RHOJ: variants seen among roughly 807,000 people sequenced by gnomAD.
RHOJ encodes ras homolog family member J.
RHOJ carries 11 observed loss-of-function variants against 23.4 expected under a neutral mutation model. That is an observed-to-expected ratio of 0.47 (90% confidence interval 0.30 to 0.78). The LOEUF (loss-of-function observed/expected upper bound fraction) is 0.78, where lower values mean the gene tolerates loss of function less well. Ranked by LOEUF, RHOJ falls within the 30% of genes least tolerant of loss-of-function variation. The pLI, the probability that RHOJ is intolerant of heterozygous loss-of-function variation, is 0.08. For synonymous variants in RHOJ, 102 were observed against 102.7 expected, an observed-to-expected ratio of 0.99 and a Z score of 0.04; for missense variants, 254 against 273.4, an observed-to-expected ratio of 0.93 and a Z score of 0.50.
chr14:63,260,974 G>A (rs1458411832), intron 1 of RHOJ, among the ~76,000 whole-genome samples: 4 of 152,100 alleles, frequency 2.6e-5, no homozygotes, highest in Non-Finnish European at 5.9e-5. Context: ...CGAGTCAAAT[G>A]TGAAAAAGAT....
chr14:63,233,247 A>G (rs1458348072), intron 1 of RHOJ, among the ~76,000 whole-genome samples: 1 of 152,204 alleles, frequency 6.6e-6, no homozygotes, highest in Admixed American at 6.5e-5. Context: ...CCTGACAGAC[A>G]AAAAGTATAT....
chr14:63,267,275 G>A (rs971513765), intron 1 of RHOJ, among the ~76,000 whole-genome samples: 10 of 152,228 alleles, frequency 6.6e-5, no homozygotes, highest in African/African-American at 2.4e-4. Context: ...AAAACAGACT[G>A]GAGAGAATGA....
chr14:63,223,976 A>G (rs1894545477), intron 1 of RHOJ, among the ~76,000 whole-genome samples: 1 of 152,214 alleles, frequency 6.6e-6, no homozygotes, highest in African/African-American at 2.4e-5. Context: ...CATTGAAACC[A>G]GGTATTTAGG....
chr14:63,205,069 T>C (rs1300356491), intron 1 of RHOJ, 22 bp downstream of exon 1: 1 of 1,604,646 alleles, frequency 6.2e-7, no homozygotes, highest in East Asian at 2.2e-5. Context: ...TGGGAAACTC[T>C]CTGCATCCAG....
At chr14:63,234,566 A>G (rs1894753742) in intron 1 of RHOJ, among the ~76,000 whole-genome samples, 1 of 152,248 alleles carries the variant, frequency 6.6e-6, no homozygotes, top group East Asian at 1.9e-4. Flanking sequence ...TAGTAATAGT[A>G]ATGCCATTTT....
intron 1 of RHOJ, among the ~76,000 whole-genome samples, chr14:63,260,393 T>A (rs1895251437): frequency 6.6e-6 from 1 of 152,112 alleles, no homozygotes; most frequent in African/African-American, 2.4e-5. Flanking sequence ...CTAAAATAAA[T>A]CTGGATAAGC....
chr14:63,283,581 T>G (rs1390352122), intron 4 of RHOJ, among the ~76,000 whole-genome samples: 1 of 152,240 alleles, frequency 6.6e-6, no homozygotes, highest in African/African-American at 2.4e-5. Context: ...GTAGCTCATT[T>G]AAATAACCCC....
intron 1 of RHOJ, among the ~76,000 whole-genome samples, chr14:63,230,298 T>C (rs551692917): frequency 6.6e-6 from 1 of 151,988 alleles, no homozygotes; most frequent in African/African-American, 2.4e-5. Flanking sequence ...AAAACAGAAA[T>C]GTTGTCCCTC....
chr14:63,282,489 A>G (rs1444561358), intron 3 of RHOJ, among the ~76,000 whole-genome samples: 1 of 152,184 alleles, frequency 6.6e-6, no homozygotes, highest in Non-Finnish European at 1.5e-5. Context: ...AAATTATCAA[A>G]TCTAATCCAG....
intron 1 of RHOJ, among the ~76,000 whole-genome samples, chr14:63,246,771 G>A (rs1894982768): frequency 6.6e-6 from 1 of 152,074 alleles, no homozygotes; most frequent in Non-Finnish European, 1.5e-5. Context: ...TAAGAAGTCA[G>A]CTTTACTGTG....
chr14:63,256,401 A>T (rs774210767), intron 1 of RHOJ, among the ~76,000 whole-genome samples: 2 of 152,154 alleles, frequency 1.3e-5, no homozygotes, highest in African/African-American at 2.4e-5. Flanking sequence ...ATCAGAGTGC[A>T]CAGTCCCACT....
chr14:63,270,186 T>TTC (rs1895443049), intron 2 of RHOJ, among the ~76,000 whole-genome samples: 2 of 149,842 alleles, frequency 1.3e-5, no homozygotes, highest in East Asian at 3.9e-4. Flanking sequence ...TTTTTTTTTT[T>TTC]CACAATTGTT....
intron 1 of RHOJ, among the ~76,000 whole-genome samples, chr14:63,251,515 A>G (rs1895071216): frequency 6.6e-6 from 1 of 152,232 alleles, no homozygotes; most frequent in South Asian, 2.1e-4. Flanking sequence ...CCTAAGCTTC[A>G]ACAAGCTCTC....
Position 63,292,014 on chromosome 14 carries a change from A to C in RHOJ, c.*990A>C. 1 of 152,080 alleles carries C rather than the reference A, an allele frequency of 6.6e-6. No homozygotes were observed. Among genetic ancestry groups the C allele is most frequent in the Admixed American group, 6.6e-5 (1 of 15,266 alleles). The allele number at this position is 152,080 out of a possible 1,614,324, so 9.4% of individuals were successfully genotyped here. ...CTTTCTCTCATGCCCGGATCCTTTT[A>C]TTCTCCCCAGTTATAACCCAGTTAT... On this transcript the variant is annotated 3_prime_UTR_variant, in exon 5 of 5. Coordinates refer to ENST00000316754, the MANE Select transcript of RHOJ (RefSeq NM_020663.5).
At chr14:63,277,026 C>T (rs946419939) in intron 2 of RHOJ, among the ~76,000 whole-genome samples, 2 of 152,168 alleles carry the variant, frequency 1.3e-5, no homozygotes, top group Non-Finnish European at 1.5e-5. Context: ...TGCTGGGTAA[C>T]ATATGAGTCA....
intron 1 of RHOJ, among the ~76,000 whole-genome samples, chr14:63,242,886 T>C (rs1391888790): frequency 1.3e-5 from 2 of 152,208 alleles, no homozygotes; most frequent in Admixed American, 6.5e-5. Flanking sequence ...AGTATTTTTA[T>C]ATAAATGAAA....
At position 63,265,346 on chromosome 14, in the gene RHOJ, A is replaced by T. The variant is rs80349144; in HGVS notation, c.179-3764A>T. Among the ~76,000 whole-genome samples, 1,166 of 151,958 alleles carry T rather than the reference A, an allele frequency of 7.7e-3. 12 individuals are homozygous for T. Among genetic ancestry groups the T allele is most frequent in the African/African-American group, 0.027 (1,116 of 41,428 alleles). On this transcript the variant is annotated intron_variant, in intron 1 of 4. Transcript: ENST00000316754. ...CAGATGGCTGTGGCTGTGCAGTTTT[A>T]TTTCTGGGTTCTCTATTTTGTTCCA...
intron 1 of RHOJ, among the ~76,000 whole-genome samples, chr14:63,228,443 A>G (rs1456709054): frequency 2.0e-5 from 3 of 152,228 alleles, no homozygotes; most frequent in East Asian, 1.9e-4. Context: ...AAATAATCCA[A>G]CTATCTAAGA....
chr14:63,283,314 G>A (rs1881973223), intron 4 of RHOJ, 98 bp downstream of exon 4: 1 of 964,734 alleles, frequency 1.0e-6, no homozygotes, highest in Non-Finnish European at 1.6e-6. Flanking sequence ...TTGCTTTAAA[G>A]TGCAATGTGT....
Sources: allele counts gnomAD v4.1 joint callset (sites outside exome capture counted in the v4.1 genomes callset), GRCh38; gene constraint gnomAD v4.1.1; transcripts MANE v1.5; gene names NCBI Gene and HGNC (gene_info 2026-07-23, HGNC 2026-07-21).